The following ASPH variants were observed in gnomAD, a reference collection of about 807,000 sequenced individuals.
ASPH encodes aspartyl/asparaginyl beta-hydroxylase.
A neutral mutation model predicts 118.4 loss-of-function variants in ASPH; 100 were observed. That is an observed-to-expected ratio of 0.84 (90% CI 0.72 to 1.00). ASPH has a LOEUF of 1.00. Ranked by LOEUF, ASPH falls within the 50% of genes least tolerant of loss-of-function variation. The pLI, the probability that ASPH is intolerant of heterozygous loss-of-function variation, is 0.00. For missense variants in ASPH, 920 were observed against 919.5 expected (o/e 1.00, Z -0.01); for synonymous variants, 315 against 325.6 (o/e 0.97, Z 0.35).
intron 1 of ASPH, among the ~76,000 whole-genome samples, chr8:61,700,733 A>G (rs899820659): frequency 6.6e-6 from 1 of 152,268 alleles, no homozygotes; most frequent in African/African-American, 2.4e-5. Flanking sequence ...GAAAGGATTC[A>G]TAACACTTAG....
chr8:61,700,121 G>C (rs1003761789), intron 1 of ASPH, among the ~76,000 whole-genome samples: 1 of 152,202 alleles, frequency 6.6e-6, no homozygotes, highest in Non-Finnish European at 1.5e-5. Context: ...TGGAGGCCCA[G>C]GGGATTGAGG....
chr8:61,580,277 CTA>C (rs1334012025), intron 15 of ASPH, among the ~76,000 whole-genome samples: 1 of 152,228 alleles, frequency 6.6e-6, no homozygotes, highest in African/African-American at 2.4e-5. Context: ...AGTGGGGACT[CTA>C]TGTGGGGGAT....
intron 21 of ASPH, among the ~76,000 whole-genome samples, chr8:61,528,135 G>A (rs1704645657): frequency 1.3e-5 from 2 of 152,140 alleles, no homozygotes; most frequent in South Asian, 4.1e-4. Flanking sequence ...TTAGGGCTCT[G>A]TTCCACCAAC....
chr8:61,656,844 C>T (rs905775417), intron 3 of ASPH: 3 of 152,112 alleles, frequency 2.0e-5, no homozygotes, highest in Non-Finnish European at 4.4e-5. Flanking sequence ...AATACCCAAG[C>T]CCAGGATTAG....
At position 61,504,646 on chromosome 8, in the gene ASPH, G is replaced by A. The variant is rs564977227; in HGVS notation, c.2127-1137C>T. Among the ~76,000 whole-genome samples the A allele has an allele frequency of 9.2e-5, 14 of 152,158 alleles. No individual in the cohort carries two copies. In the South Asian group the frequency reaches 1.2e-3, roughly 14 times the overall value. On this transcript the variant is annotated intron_variant, in intron 24 of 24. Transcript: ENST00000379454. ...TTCCATGCACTATGAGATATTTAGC[G>A]GCACCCCTGACCTCCACCCACTGTA... is the stretch of plus-strand genomic sequence containing the variant.
At chr8:61,650,704 C>G (rs1810534787) in intron 5 of ASPH, among the ~76,000 whole-genome samples, 1 of 152,114 alleles carries the variant, frequency 6.6e-6, no homozygotes, top group African/African-American at 2.4e-5. Flanking sequence ...CGAGGTGGAG[C>G]ACAACACCTG....
chr8:61,643,003 T>C lies in ASPH; in HGVS notation c.758-83A>G, dbSNP rs1356105643. On this transcript the variant is annotated intron_variant, in intron 9 of 24. Transcript: ENST00000379454. Reference sequence around the variant, plus strand: ...TTGTTCAGTTAAAACAAAATACTACTTAATCGTAAACACAGAACTCTACTC... The same window carrying C: ...TTGTTCAGTTAAAACAAAATACTACCTAATCGTAAACACAGAACTCTACTC... 4.0e-6 allele frequency: 5 copies of C among 1,243,804 alleles called. No individual in the cohort carries two copies. The African/African-American group carries it at 7.8e-5, about 19-fold the overall frequency. 77.0% of individuals were successfully genotyped at this position (1,243,804 alleles called of 1,614,324 possible). A position where few individuals can be genotyped will look rare whatever the true frequency, so the allele number is the denominator to read the frequency against.
At position 61,651,120 on chromosome 8, in the gene ASPH, G is replaced by C. The variant is rs1037545872; in HGVS notation, c.420C>G (p.Pro140=). ...PEEQVPVEAE[P]QNIEDEAKEQ... ...CTTTTGCTTCATCTTCGATATTCTG[G>C]GGTTCTAAAATAATTGCAAAACATA... Residue 140 remains proline, a synonymous_variant, in exon 5 of 25, where the codon CCC becomes CCG. Transcript: ENST00000379454. 1 of 1,613,352 alleles carries C rather than the reference G, an allele frequency of 6.2e-7. No individual in the cohort carries two copies. The highest frequency in any genetic ancestry group is 1.1e-5 in the South Asian group (1 of 91,036).
intron 21 of ASPH, among the ~76,000 whole-genome samples, chr8:61,527,606 A>G (rs535389565): frequency 6.6e-6 from 1 of 152,362 alleles, no homozygotes; most frequent in South Asian, 2.1e-4. Context: ...TGGGGAGGCC[A>G]AAGGAGAACT....
intron 18 of ASPH, among the ~76,000 whole-genome samples, chr8:61,558,133 T>G (rs1208751726): frequency 7.2e-5 from 11 of 152,106 alleles, no homozygotes; most frequent in African/African-American, 2.4e-4. Flanking sequence ...GTAGACAAAT[T>G]TAGAAGTAGA....
intron 24 of ASPH, among the ~76,000 whole-genome samples, chr8:61,516,798 T>G (rs1811081446): frequency 6.6e-6 from 1 of 152,274 alleles, no homozygotes; most frequent in South Asian, 2.1e-4. Context: ...CCAGAGCAAG[T>G]ATGGTTTGTT....
rs1475410277 is a variant in ASPH, at chr8:61,502,143, T to C, written c.*1216A>G. The C allele has an allele frequency of 6.6e-6, 1 of 152,212 alleles. No individual in the cohort carries two copies. Among genetic ancestry groups the C allele is most frequent in the Non-Finnish European group, 1.5e-5 (1 of 68,036 alleles). 9.4% of individuals were successfully genotyped at this position (152,212 alleles called of 1,614,324 possible). On this transcript the variant is annotated 3_prime_UTR_variant, in exon 25 of 25. Transcript: ENST00000379454. The stretch of plus-strand genomic sequence containing the variant: ...CCTATTATTTCTATGTTGTGGGTAA[T>C]GTTAAAACTAAATACAGATGATAAT...
intron 1 of ASPH, among the ~76,000 whole-genome samples, chr8:61,693,549 C>T (rs1214215953): frequency 6.6e-6 from 1 of 152,130 alleles, no homozygotes; most frequent in African/African-American, 2.4e-5. Context: ...TAACAAAATG[C>T]AACTCTGCAG....
chr8:61,642,315 A>G (rs2150960559), intron 10 of ASPH, among the ~76,000 whole-genome samples: 1 of 152,372 alleles, frequency 6.6e-6, no homozygotes, highest in South Asian at 2.1e-4. Context: ...AAAGAGACAC[A>G]ACTATAAAGT....
chr8:61,601,090 C>T (rs1843833934), intron 14 of ASPH, among the ~76,000 whole-genome samples: 1 of 151,062 alleles, frequency 6.6e-6, no homozygotes, highest in Admixed American at 6.6e-5. Flanking sequence ...CTTTAAAATC[C>T]ATGAAACAAA....
chr8:61,701,455 A>G (rs1835223623), intron 1 of ASPH, among the ~76,000 whole-genome samples: 1 of 152,250 alleles, frequency 6.6e-6, no homozygotes, highest in Non-Finnish European at 1.5e-5. Context: ...CAAATAGTGT[A>G]CTACTTCTAG....
At chr8:61,656,887 A>C (rs1223277919) in intron 3 of ASPH, 1 of 151,944 alleles carries the variant, frequency 6.6e-6, no homozygotes, top group Non-Finnish European at 1.5e-5. Context: ...ATAATGAGAA[A>C]GAATCAATAT....
At chr8:61,609,003 T>C (rs1486291445) in intron 14 of ASPH, among the ~76,000 whole-genome samples, 1 of 152,138 alleles carries the variant, frequency 6.6e-6, no homozygotes, top group Non-Finnish European at 1.5e-5. Context: ...CATCACTGGT[T>C]TCAATAGCAG....
rs536521842 is a variant in ASPH at position 61,674,851 on chromosome 8, A to G, written c.322+6117T>C. On this transcript the variant is annotated intron_variant, in intron 3 of 24. Transcript: ENST00000379454. ...GTTAAATAAAACGTGAGGAAGTGCAAGCATTTTCAAATTTTTAGCTCTCTG... is the reference window on the plus strand; with the variant it reads ...GTTAAATAAAACGTGAGGAAGTGCAGGCATTTTCAAATTTTTAGCTCTCTG... 2.6e-5 allele frequency among the ~76,000 whole-genome samples: 4 copies of G among 152,340 alleles called. No homozygotes were observed. The South Asian group carries it at 8.3e-4, about 32-fold the overall frequency.
Sources: gnomAD v4.1 joint callset for allele counts (sites outside exome capture counted in the v4.1 genomes callset) on GRCh38, gnomAD v4.1.1 for gene constraint, MANE v1.5 for transcripts, NCBI Gene and HGNC (gene_info 2026-07-23, HGNC 2026-07-21) for gene names.